The following ST3GAL1 variants were observed in gnomAD, a reference collection of about 807,000 sequenced individuals.
The protein encoded by ST3GAL1 is CMP-N-acetylneuraminate-beta-galactosamide-alpha-2,3-sialyltransferase 1.
A neutral mutation model predicts 34.1 loss-of-function variants in ST3GAL1; 16 were observed. The ratio of observed to expected loss-of-function variants is 0.47; its 90% confidence interval spans 0.32 to 0.71. The LOEUF is 0.71. Ranked by LOEUF, ST3GAL1 falls within the 30% of genes least tolerant of loss-of-function variation. ST3GAL1 has a pLI of 0.04. For synonymous variants in ST3GAL1, 191 were observed against 184.7 expected (o/e 1.03, Z -0.28); for missense variants, 353 against 447.4 (o/e 0.79, Z 1.90).
chr8:133,475,258 A>C (rs78065341), intron 5 of ST3GAL1, among the ~76,000 whole-genome samples: 1,917 of 152,346 alleles, frequency 0.013, 38 homozygotes, highest in African/African-American at 0.043. Context: ...GGCAGCTGGC[A>C]GGAGCCAGGA....
rs1441949313 is a variant in ST3GAL1, at chr8:133,508,130, G to GA, written c.-428-8942dup. Among the ~76,000 whole-genome samples, 6 of 151,844 alleles carry GA rather than the reference G, an allele frequency of 4.0e-5. No homozygotes were observed. In the East Asian group the frequency reaches 9.7e-4, roughly 25 times the overall value. ...CCCACTGATGGTAAGTACTAGAGTT[G>GA]AAAAAAAGGCATCTTTCCCCAACAG... On this transcript the variant is annotated intron_variant, in intron 2 of 9. Coordinates refer to ENST00000522652, the MANE Select transcript of ST3GAL1 (RefSeq NM_173344.3). This position sits in a 1 kb window ranked among gnomAD's most constrained non-coding sequence, Gnocchi z 4.1.
At chr8:133,486,166 G>A (rs990692270) in intron 3 of ST3GAL1, among the ~76,000 whole-genome samples, 1 of 152,182 alleles carries the variant, frequency 6.6e-6, no homozygotes, top group African/African-American at 2.4e-5. Context: ...TCAGGATTAC[G>A]GCCAATGCAG....
intron 3 of ST3GAL1, among the ~76,000 whole-genome samples, chr8:133,481,247 G>A (rs1816372111): frequency 6.6e-6 from 1 of 152,186 alleles, no homozygotes; most frequent in African/African-American, 2.4e-5. Context: ...GTACAGAAGT[G>A]GCACATTACT....
At chr8:133,566,073 C>CCCGA (rs1250428125) in intron 1 of ST3GAL1, among the ~76,000 whole-genome samples, 2 of 152,224 alleles carry the variant, frequency 1.3e-5, no homozygotes, top group African/African-American at 4.8e-5. Flanking sequence ...TGCTGGGCAC[C>CCCGA]CCGACCATCT....
At position 133,459,249 on chromosome 8, in the gene ST3GAL1, C is replaced by T. The variant is rs553630173; in HGVS notation, c.*515G>A. On this transcript the variant is annotated 3_prime_UTR_variant, in exon 10 of 10. Transcript: ENST00000522652. The surrounding 1 kb of genome is among the most constrained non-coding windows in gnomAD (Gnocchi z 4.7). ...GAGCCTCTGGTGGCTCATAAATGAG[C>T]TTTGGGAAGATGACAGGGTTATCAC... The T allele has an allele frequency of 7.9e-5, 12 of 152,366 alleles. No homozygotes were observed. In the East Asian group the frequency reaches 2.1e-3, roughly 27 times the overall value. 9.4% of individuals were successfully genotyped at this position (152,366 alleles called of 1,614,324 possible). A position where few individuals can be genotyped will look rare whatever the true frequency, so the allele number is the denominator to read the frequency against.
intron 3 of ST3GAL1, among the ~76,000 whole-genome samples, chr8:133,495,656 G>A (rs1554967): frequency 0.32 from 48,761 of 152,100 alleles, 8,626 homozygotes; most frequent in Non-Finnish European, 0.4. Flanking sequence ...ATGAGGTAAT[G>A]TTTCTCTCTG....
rs181154447 is a variant in ST3GAL1, at chr8:133,472,605, G to A, written c.306+3114C>T. On this transcript the variant is annotated intron_variant, in intron 5 of 9. Transcript: ENST00000522652. ...GTCAGATATTCCATGCCTGTATCCC[G>A]ATTCTTTATTCAAAGCGTGTGGTTT... Among the ~76,000 whole-genome samples the A allele has an allele frequency of 3.6e-4, 55 of 152,316 alleles. 1 individual carries two copies. The highest frequency in any genetic ancestry group is 2.2e-3 in the Admixed American group (33 of 15,302).
intron 6 of ST3GAL1, 178 bp downstream of exon 6, chr8:133,465,716 T>G (rs1815704612): frequency 6.6e-6 from 4 of 606,362 alleles, no homozygotes; most frequent in Non-Finnish European, 1.1e-5. Flanking sequence ...AATCCTGCAA[T>G]GATGCAGAGA....
intron 1 of ST3GAL1, among the ~76,000 whole-genome samples, chr8:133,567,736 G>A (rs563382506): frequency 1.2e-4 from 19 of 152,164 alleles, no homozygotes; most frequent in South Asian, 4.1e-4. Context: ...TCTTTGAGAG[G>A]GGAGATGCCC....
At chr8:133,462,744 C>T (rs1815558664) in intron 8 of ST3GAL1, among the ~76,000 whole-genome samples, 1 of 152,188 alleles carries the variant, frequency 6.6e-6, no homozygotes, top group Non-Finnish European at 1.5e-5. Context: ...GAGGCTGTCC[C>T]TTCCACCAAC....
At chr8:133,563,988 A>G (rs867186855) in intron 1 of ST3GAL1, among the ~76,000 whole-genome samples, 1 of 152,196 alleles carries the variant, frequency 6.6e-6, no homozygotes, top group African/African-American at 2.4e-5. Flanking sequence ...TGTACTGTCT[A>G]TTCTGCACGT....
chr8:133,529,537 A>G (rs2945777), intron 2 of ST3GAL1, among the ~76,000 whole-genome samples: 105,253 of 152,020 alleles, frequency 0.69, 36,829 homozygotes, highest in Middle Eastern at 0.82. Flanking sequence ...TGGAATATCA[A>G]GGGACCCAGA....
chr8:133,477,746 C>T (rs1409433238), intron 3 of ST3GAL1, among the ~76,000 whole-genome samples: 1 of 151,994 alleles, frequency 6.6e-6, no homozygotes, highest in Non-Finnish European at 1.5e-5. Context: ...TGTGGTTGCA[C>T]GTCTGCCCTG....
intron 2 of ST3GAL1, among the ~76,000 whole-genome samples, chr8:133,518,231 C>T (rs1431548696): frequency 6.6e-6 from 1 of 152,194 alleles, no homozygotes; most frequent in Non-Finnish European, 1.5e-5. Flanking sequence ...TCCTGCAGGG[C>T]TGCCTTCCAC....
At position 133,461,799 on chromosome 8, in the gene ST3GAL1, C is replaced by T; in HGVS notation, c.849+76G>A. ...GGCAGGCTAGGTCTACCTGCCCTCCCCCTCCCTGGCCTCTCTTGGGAACAC... is the reference window on the plus strand; with the variant it reads ...GGCAGGCTAGGTCTACCTGCCCTCCTCCTCCCTGGCCTCTCTTGGGAACAC... On this transcript the variant is annotated intron_variant, in intron 9 of 9. Coordinates refer to ENST00000522652, the MANE Select transcript of ST3GAL1 (RefSeq NM_173344.3). This position sits in a 1 kb window ranked among gnomAD's most constrained non-coding sequence, Gnocchi z 4.7. 1.3e-6 allele frequency: 2 copies of T among 1,589,694 alleles called. No individual in the cohort carries two copies. The highest frequency in any genetic ancestry group is 3.5e-4 in the Middle Eastern group (2 of 5,784).
At chr8:133,549,179 T>C (rs539230120) in intron 1 of ST3GAL1, among the ~76,000 whole-genome samples, 2 of 152,096 alleles carry the variant, frequency 1.3e-5, no homozygotes, top group Non-Finnish European at 2.9e-5. Context: ...GGTGGGTGGA[T>C]CACCTGAGGT....
chr8:133,461,904 C>T lies in ST3GAL1; in HGVS notation c.820G>A (p.Val274Ile), dbSNP rs1815525266. The change falls in exon 9 of 10, where the codon GTC (valine) becomes ATC (isoleucine). Residue 274 changes from valine (V) to isoleucine (I), a missense_variant. Physicochemically the swap from Val to Ile is conservative, Grantham distance 29. Transcript: ENST00000522652. This position sits in a 1 kb window ranked among gnomAD's most constrained non-coding sequence, Gnocchi z 4.7. ...GRYPSTGILSVIFSMHVCDEV... is the reference protein window; with the variant it reads ...GRYPSTGILSIIFSMHVCDEV... ...TCGCAGACATGCATTGAGAAGATGA[C>T]CGAGAGGATGCCGGTAGATGGGTAT... 1.2e-6 allele frequency: 2 copies of T among 1,614,098 alleles called. No individual in the cohort carries two copies. Among genetic ancestry groups the T allele is most frequent in the South Asian group, 2.2e-5 (2 of 91,080 alleles).
At chr8:133,488,868 A>AG (rs57405580) in intron 3 of ST3GAL1, among the ~76,000 whole-genome samples, 74,286 of 151,982 alleles carry the variant, frequency 0.49, 18,665 homozygotes, top group African/African-American at 0.57. Context: ...ACTGGCAGAC[A>AG]GGGGGGGCCA....
chr8:133,534,408 C>T (rs1219544040), intron 2 of ST3GAL1, among the ~76,000 whole-genome samples: 1 of 151,738 alleles, frequency 6.6e-6, no homozygotes, highest in Admixed American at 6.6e-5. Flanking sequence ...AAATGCTTGC[C>T]AAATGGATTT....
Sources: allele counts gnomAD v4.1 joint callset (sites outside exome capture counted in the v4.1 genomes callset), GRCh38; gene constraint gnomAD v4.1.1; non-coding constraint Gnocchi (gnomAD v3.1); transcripts MANE v1.5; gene names NCBI Gene and HGNC (gene_info 2026-07-23, HGNC 2026-07-21).